The following CASZ1 variants were observed in gnomAD, a reference collection of about 807,000 sequenced individuals.
CASZ1 encodes the protein castor zinc finger 1.
Under a neutral mutation model 135.2 loss-of-function variants are expected in CASZ1, and 28 were observed. That is an observed-to-expected ratio of 0.21 (90% CI 0.15 to 0.28). The LOEUF (loss-of-function observed/expected upper bound fraction) is 0.28, where lower values mean the gene tolerates loss of function less well. CASZ1 is among the 10% of genes least tolerant of loss of function. CASZ1 has a pLI of 1.00. For synonymous variants in CASZ1, 1,068 were observed against 1,073.4 expected (o/e 0.99, Z 0.10); for missense variants, 2,161 against 2,453.3 (o/e 0.88, Z 2.52).
In CASZ1 at chr1:10,715,637, G is replaced by GCGCCCCACAGCACCCAATCCA. The variant is rs1557527696; in HGVS notation, c.-76-10094_-76-10093insTGGATTGGGTGCTGTGGGGCG. ...ATCCGCTCCCCACAGCACCCAATCCGCACCCCACAGCACCCAATCCGCACC... is the reference window on the plus strand; with the variant it reads ...ATCCGCTCCCCACAGCACCCAATCCGCGCCCCACAGCACCCAATCCACACCCCACAGCACCCAATCCGCACC... On this transcript the variant is annotated intron_variant, in intron 2 of 20. Coordinates refer to ENST00000377022, the MANE Select transcript of CASZ1 (RefSeq NM_001079843.3). 7.0e-3 allele frequency among the ~76,000 whole-genome samples: 580 copies of GCGCCCCACAGCACCCAATCCA among 82,424 alleles called. 16 individuals carry two copies. Among genetic ancestry groups the GCGCCCCACAGCACCCAATCCA allele is most frequent in the African/African-American group, 0.03 (540 of 17,928 alleles). The allele number at this position is 82,424 out of a possible 152,430, so 54.1% of individuals were successfully genotyped here. A position where few individuals can be genotyped will look rare whatever the true frequency, so the allele number is the denominator to read the frequency against.
rs1181414239 is a variant in CASZ1 at position 10,794,944 on chromosome 1, C to T, written c.-234+1620G>A. On this transcript the variant is annotated intron_variant, in intron 1 of 20. Transcript: ENST00000377022. This position sits in a 1 kb window ranked among gnomAD's most constrained non-coding sequence, Gnocchi z 5.6. ...GGCCCCAGCGCGCCTCTGCCCGCAC[C>T]TCGCCACCCCGGCGGCCGCCCCCTC... Among the ~76,000 whole-genome samples, 1 of 151,312 alleles carries T rather than the reference C, an allele frequency of 6.6e-6. No individual in the cohort carries two copies. Among genetic ancestry groups the T allele is most frequent in the East Asian group, 1.9e-4 (1 of 5,178 alleles).
rs1263234990 is a variant in CASZ1 at position 10,706,713 on chromosome 1, C to T, written c.-76-1169G>A. 6.6e-6 allele frequency among the ~76,000 whole-genome samples: 1 copy of T among 152,190 alleles called. No individual in the cohort carries two copies. The highest frequency in any genetic ancestry group is 1.5e-5 in the Non-Finnish European group (1 of 68,032). ...CGCCGCTTGTGTTGGGCTGCCCGGG[C>T]AGAGGGTGCCCACTGGGGCGGAGCC... On this transcript the variant is annotated intron_variant, in intron 2 of 20. Transcript: ENST00000377022. The surrounding 1 kb of genome is among the most constrained non-coding windows in gnomAD (Gnocchi z 4.3).
chr1:10,673,573 G>A (rs748080792), intron 4 of CASZ1, among the ~76,000 whole-genome samples: 16 of 152,126 alleles, frequency 1.1e-4, no homozygotes, highest in South Asian at 4.1e-4. Flanking sequence ...GGAACTGGCC[G>A]CCTGTCCTTC....
chr1:10,730,485 A>C (rs1465103544), intron 2 of CASZ1, among the ~76,000 whole-genome samples: 1 of 152,202 alleles, frequency 6.6e-6, no homozygotes, highest in Non-Finnish European at 1.5e-5. Flanking sequence ...TCTGAAGGAC[A>C]TGGACCCGTG....
chr1:10,794,203 G>A lies in CASZ1; in HGVS notation c.-234+2361C>T, dbSNP rs1641019088. Among the ~76,000 whole-genome samples the A allele has an allele frequency of 1.3e-5, 2 of 151,958 alleles. No individual in the cohort carries two copies. Among genetic ancestry groups the A allele is most frequent in the African/African-American group, 4.8e-5 (2 of 41,374 alleles). The stretch of plus-strand genomic sequence containing the variant: ...TGTGTGTGTGTGTGTGTGTGTGCGC[G>A]CGCGCGCGCGTCGTGGGTTGGGCGG... On this transcript the variant is annotated intron_variant, in intron 1 of 20. Coordinates refer to ENST00000377022, the MANE Select transcript of CASZ1 (RefSeq NM_001079843.3). The surrounding 1 kb of genome is among the most constrained non-coding windows in gnomAD (Gnocchi z 5.6).
At position 10,756,479 on chromosome 1, in the gene CASZ1, G is replaced by A. The variant is rs889054416; in HGVS notation, c.-77+4222C>T. Among the ~76,000 whole-genome samples the A allele has an allele frequency of 4.6e-5, 7 of 152,246 alleles. No homozygotes were observed. Among genetic ancestry groups the A allele is most frequent in the Middle Eastern group, 3.2e-3 (1 of 316 alleles). On this transcript the variant is annotated intron_variant, in intron 2 of 20. Transcript: ENST00000377022. This position sits in a 1 kb window ranked among gnomAD's most constrained non-coding sequence, Gnocchi z 5.9. ...AGCCGGCTGTGACAGCTTCACGCTC[G>A]CCAACCAGGCCTCTGGCTTGCTCCA...
chr1:10,708,313 C>A (rs1019472455), intron 2 of CASZ1, among the ~76,000 whole-genome samples: 1 of 152,216 alleles, frequency 6.6e-6, no homozygotes, highest in Admixed American at 6.5e-5. Context: ...CATCCCATTG[C>A]ACAAGTAAGG....
rs1557564128 is a variant in CASZ1, at chr1:10,774,327, G to A, written c.-233-13470C>T. 6.6e-6 allele frequency among the ~76,000 whole-genome samples: 1 copy of A among 152,102 alleles called. No individual in the cohort carries two copies. The highest frequency in any genetic ancestry group is 1.5e-5 in the Non-Finnish European group (1 of 67,998). On this transcript the variant is annotated intron_variant, in intron 1 of 20. Transcript: ENST00000377022. This position sits in a 1 kb window ranked among gnomAD's most constrained non-coding sequence, Gnocchi z 4.4. ...CTTTTAAATGTTCTCAACTCTGACT[G>A]CTTTCGGCAGCACACTGTCAAATCT...
Position 10,756,551 on chromosome 1 carries a change from G to A in CASZ1, c.-77+4150C>T, listed in dbSNP as rs77377842. Among the ~76,000 whole-genome samples, 103 of 152,324 alleles carry A rather than the reference G, an allele frequency of 6.8e-4. 2 individuals are homozygous for A. The East Asian group carries it at 0.012, about 17-fold the overall frequency. On this transcript the variant is annotated intron_variant, in intron 2 of 20. Transcript: ENST00000377022. The surrounding 1 kb of genome is among the most constrained non-coding windows in gnomAD (Gnocchi z 5.9). ...GGCGGCATGGGGCCTGTCCAGGGGC[G>A]CTGGGGATCACTGCTATCACAGCAT...
chr1:10,778,207 A>C (rs1216570906), intron 1 of CASZ1, among the ~76,000 whole-genome samples: 3 of 151,952 alleles, frequency 2.0e-5, no homozygotes, highest in Non-Finnish European at 4.4e-5. Context: ...ACTCTCACAC[A>C]CAACCACAAT....
intron 2 of CASZ1, among the ~76,000 whole-genome samples, chr1:10,730,818 A>G (rs979029628): frequency 2.6e-5 from 4 of 152,228 alleles, no homozygotes; most frequent in Non-Finnish European, 4.4e-5. Flanking sequence ...TTTAAAAAAC[A>G]TCATATAGGC....
intron 1 of CASZ1, among the ~76,000 whole-genome samples, chr1:10,781,600 T>C (rs1640763480): frequency 6.6e-6 from 1 of 152,232 alleles, no homozygotes; most frequent in Non-Finnish European, 1.5e-5. Context: ...AGACTTGTGG[T>C]GGCCACAGCC....
Position 10,726,057 on chromosome 1 carries a change from T to C in CASZ1, c.-76-20513A>G, listed in dbSNP as rs1000248218. ...ATCTGTCAGGGGCTGTACCATCTCATTGATGCCTCCAACCACCTATGGGGC... is the reference window on the plus strand; with the variant it reads ...ATCTGTCAGGGGCTGTACCATCTCACTGATGCCTCCAACCACCTATGGGGC... On this transcript the variant is annotated intron_variant, in intron 2 of 20. Transcript: ENST00000377022. This position sits in a 1 kb window ranked among gnomAD's most constrained non-coding sequence, Gnocchi z 5.7. 1.5e-4 allele frequency among the ~76,000 whole-genome samples: 23 copies of C among 152,270 alleles called. No individual in the cohort carries two copies. The highest frequency in any genetic ancestry group is 5.3e-4 in the African/African-American group (22 of 41,538).
chr1:10,644,907 C>T lies in CASZ1; in HGVS notation c.3868+10G>A. 6.2e-7 allele frequency: 1 copy of T among 1,608,414 alleles called. No individual in the cohort carries two copies. Among genetic ancestry groups the T allele is most frequent in the East Asian group, 2.2e-5 (1 of 44,820 alleles). On this transcript the variant is annotated intron_variant, in intron 18 of 20. Transcript: ENST00000377022. ...TGCAAGTCCCTGCCCGCAGCCCCAG[C>T]CCTCGGTACCTAGCCTGCCACACTC...
In CASZ1 at chr1:10,741,752, CAT is replaced by C. The variant is rs1445533392; in HGVS notation, c.-77+18947_-77+18948del. Among the ~76,000 whole-genome samples the C allele has an allele frequency of 4.6e-5, 7 of 152,152 alleles. No individual in the cohort carries two copies. Among genetic ancestry groups the C allele is most frequent in the Non-Finnish European group, 8.8e-5 (6 of 68,006 alleles). On this transcript the variant is annotated intron_variant, in intron 2 of 20. Coordinates refer to ENST00000377022, the MANE Select transcript of CASZ1 (RefSeq NM_001079843.3). This position sits in a 1 kb window ranked among gnomAD's most constrained non-coding sequence, Gnocchi z 5.0. The stretch of plus-strand genomic sequence containing the variant: ...GCCAGACATTTTGCAGCTTTTATAA[CAT>C]GTGTAGGAGTCTTTACAAACGACTT...
At chr1:10,678,515 G>A (rs2100348815) in intron 4 of CASZ1, among the ~76,000 whole-genome samples, 1 of 152,288 alleles carries the variant, frequency 6.6e-6, no homozygotes, top group Admixed American at 6.5e-5. Flanking sequence ...CCGAGGCCGG[G>A]GCTGAAGATC....
chr1:10,647,947 G>C lies in CASZ1; in HGVS notation c.3351C>G (p.Leu1117=). Residue 1117 remains leucine (L), a synonymous_variant, in exon 16 of 21, where the codon CTC becomes CTG. Transcript: ENST00000377022. This position sits in a 1 kb window ranked among gnomAD's most constrained non-coding sequence, Gnocchi z 4.9. ...PASVPSTPTL[L]AWKQLASTIP... is the part of the protein sequence containing the mutation. ...TGGTGGAAGCCAGCTGCTTCCAGGC[G>C]AGCAGGGTGGGGGTGGAGGGCACGG... 1.2e-6 allele frequency: 2 copies of C among 1,612,602 alleles called. No individual in the cohort carries two copies.
chr1:10,661,389 A>G (rs1200668779), intron 5 of CASZ1: 1 of 150,972 alleles, frequency 6.6e-6, no homozygotes, highest in Non-Finnish European at 1.5e-5. Context: ...ACATTCTCAC[A>G]TATCAACACA....
chr1:10,773,955 G>A (rs959998211), intron 1 of CASZ1, among the ~76,000 whole-genome samples: 1 of 152,314 alleles, frequency 6.6e-6, no homozygotes, highest in South Asian at 2.1e-4. Flanking sequence ...CAGAGCAGAC[G>A]AGTAGACAAA....
Sources: gnomAD v4.1 joint callset for allele counts (sites outside exome capture counted in the v4.1 genomes callset) on GRCh38, gnomAD v4.1.1 for gene constraint, Gnocchi (gnomAD v3.1) non-coding constraint, MANE v1.5 for transcripts, NCBI Gene and HGNC (gene_info 2026-07-23, HGNC 2026-07-21) for gene names.